The following CXCL16 variants were observed in gnomAD, a reference collection of about 807,000 sequenced individuals.
CXCL16 encodes C-X-C motif chemokine ligand 16.
Under a neutral mutation model 23.8 loss-of-function variants are expected in CXCL16, and 18 were observed. That is an observed-to-expected ratio of 0.76 (90% CI 0.52 to 1.12). The LOEUF is 1.12. CXCL16 is among the 50% of genes most tolerant of loss of function. CXCL16 has a pLI of 0.00. For synonymous variants in CXCL16, 123 were observed against 132.5 expected (o/e 0.93, Z 0.49); for missense variants, 297 against 315.4 (o/e 0.94, Z 0.44).
chr17:4,734,374 G>T lies in CXCL16; in HGVS notation c.*129C>A. On this transcript the variant is annotated 3_prime_UTR_variant, in exon 6 of 6. Transcript: ENST00000293778. ...AGATATTAACAAATACGTGTAGGCT[G>T]GATGTGGTAGGTGACGCCTATAATC... is the stretch of plus-strand genomic sequence containing the variant. 1 of 450,998 alleles carries T rather than the reference G, an allele frequency of 2.2e-6. No individual in the cohort carries two copies. The highest frequency in any genetic ancestry group is 2.2e-5 in the South Asian group (1 of 45,702). 27.9% of individuals were successfully genotyped at this position (450,998 alleles called of 1,614,324 possible). A position where few individuals can be genotyped will look rare whatever the true frequency, so the allele number is the denominator to read the frequency against.
chr17:4,739,457 G>C lies in CXCL16; in HGVS notation c.-118C>G. On this transcript the variant is annotated 5_prime_UTR_variant, in exon 1 of 6. Coordinates refer to ENST00000293778, the MANE Select transcript of CXCL16 (RefSeq NM_001386809.1). The surrounding 1 kb of genome is among the most constrained non-coding windows in gnomAD (Gnocchi z 5.3). ...GCTTTCGCCGGGGACCGGAGGAGACGGCGGCCGGAGAGGAGGCGCGAGCCA... is the reference window on the plus strand; with the variant it reads ...GCTTTCGCCGGGGACCGGAGGAGACCGCGGCCGGAGAGGAGGCGCGAGCCA... 1 of 1,512,008 alleles carries C rather than the reference G, an allele frequency of 6.6e-7. No homozygotes were observed. Among genetic ancestry groups the C allele is most frequent in the Non-Finnish European group, 9.0e-7 (1 of 1,108,910 alleles). The allele number at this position is 1,512,008 out of a possible 1,614,324, so 93.7% of individuals were successfully genotyped here. A position where few individuals can be genotyped will look rare whatever the true frequency, so the allele number is the denominator to read the frequency against.
chr17:4,737,415 TAAA>T (rs1471369902), intron 3 of CXCL16, among the ~76,000 whole-genome samples: 18 of 146,076 alleles, frequency 1.2e-4, no homozygotes, highest in African/African-American at 4.2e-4. Flanking sequence ...CCATCTCTAC[TAAA>T]AAAATACAAA....
In CXCL16 at chr17:4,735,147, G is replaced by A. The variant is rs1916112886; in HGVS notation, c.663C>T (p.Ala221=). ...LLAIIFILTA[A]LSYVLCKRRR... is the part of the protein sequence containing the mutation. ...TCCTCTTGCACAGCACATAGGAAAG[G>A]GCTGCGGTGAGGATGAAGATGATGG... The change falls in exon 4 of 6, where the codon GCC becomes GCT. Residue 221 remains alanine (A), a synonymous_variant. Transcript: ENST00000293778. 1 of 1,613,936 alleles carries A rather than the reference G, an allele frequency of 6.2e-7. No homozygotes were observed. The highest frequency in any genetic ancestry group is 1.3e-5 in the African/African-American group (1 of 74,904).
rs976360547 is a variant in CXCL16, at chr17:4,735,405, G to A, written c.405C>T (p.His135=). The A allele has an allele frequency of 1.9e-6, 3 of 1,546,856 alleles. No individual in the cohort carries two copies. The highest frequency in any genetic ancestry group is 1.8e-6 in the Non-Finnish European group (2 of 1,141,194). ...QASEGASSDI[H]TPAQMLLSTL... Reference sequence around the variant, plus strand: ...TGGACAGGAGCATCTGGGCAGGGGTGTGGATATCTGAAGATGCCCCCTCTG... The same window carrying A: ...TGGACAGGAGCATCTGGGCAGGGGTATGGATATCTGAAGATGCCCCCTCTG... The change falls in exon 4 of 6, where the codon CAC becomes CAT. Residue 135 remains histidine, a synonymous_variant. Transcript: ENST00000293778.
intron 3 of CXCL16, among the ~76,000 whole-genome samples, chr17:4,737,472 C>T (rs1165071631): frequency 6.8e-6 from 1 of 146,992 alleles, no homozygotes; most frequent in Non-Finnish European, 1.5e-5. Context: ...CCCAGCTACT[C>T]GGAAGGCTGT....
chr17:4,735,890 A>G (rs1916144734), intron 3 of CXCL16, among the ~76,000 whole-genome samples: 1 of 152,226 alleles, frequency 6.6e-6, no homozygotes. Flanking sequence ...TCTGACCAAC[A>G]TGGAGAAACC....
Position 4,734,600 on chromosome 17 carries a change from C to A in CXCL16, c.*6G>T. 3 of 1,608,702 alleles carry A rather than the reference C, an allele frequency of 1.9e-6. No individual in the cohort carries two copies. The South Asian group carries it at 3.3e-5, about 18-fold the overall frequency. On this transcript the variant is annotated 3_prime_UTR_variant, in exon 5 of 6. Coordinates refer to ENST00000293778, the MANE Select transcript of CXCL16 (RefSeq NM_001386809.1). ...CAGTTTACCCTCACAAGCTTCCATT[C>A]TTGGCTCAGGTATTAGAGTCAGGTG...
In CXCL16 at chr17:4,739,728, C is replaced by A; in HGVS notation, c.-389G>T. 9.5e-7 allele frequency: 1 copy of A among 1,056,554 alleles called. No individual in the cohort carries two copies. Among genetic ancestry groups the A allele is most frequent in the Non-Finnish European group, 1.2e-6 (1 of 838,904 alleles). 65.4% of individuals were successfully genotyped at this position (1,056,554 alleles called of 1,614,324 possible). A position where few individuals can be genotyped will look rare whatever the true frequency, so the allele number is the denominator to read the frequency against. ...AGCCGATTCGGTTCGGTTCAGGAGG[C>A]CGCCCGCCTGGCCCGTCCGCCGACC... On this transcript the variant is annotated 5_prime_UTR_variant, in exon 1 of 6. Coordinates refer to ENST00000293778, the MANE Select transcript of CXCL16 (RefSeq NM_001386809.1). This position sits in a 1 kb window ranked among gnomAD's most constrained non-coding sequence, Gnocchi z 5.3.
In CXCL16 at chr17:4,734,326, C is replaced by T; in HGVS notation, c.*177G>A. 3.3e-6 allele frequency: 1 copy of T among 307,422 alleles called. No individual in the cohort carries two copies. Among genetic ancestry groups the T allele is most frequent in the Admixed American group, 4.6e-5 (1 of 21,512 alleles). The allele number at this position is 307,422 out of a possible 1,614,324, so 19.0% of individuals were successfully genotyped here. A position where few individuals can be genotyped will look rare whatever the true frequency, so the allele number is the denominator to read the frequency against. ...TTTAAATGAGGGGCCTAAGAGAGGGCAGTGGCTGGTTAGTCCTATGTTAGA... is the reference window on the plus strand; with the variant it reads ...TTTAAATGAGGGGCCTAAGAGAGGGTAGTGGCTGGTTAGTCCTATGTTAGA... On this transcript the variant is annotated 3_prime_UTR_variant, in exon 6 of 6. Coordinates refer to ENST00000293778, the MANE Select transcript of CXCL16 (RefSeq NM_001386809.1).
intron 4 of CXCL16, 64 bp from the exon 5 acceptor site, chr17:4,734,716 A>G: frequency 2.3e-6 from 3 of 1,305,458 alleles, no homozygotes; most frequent in Non-Finnish European, 3.3e-6. Context: ...GGGGGATGAT[A>G]GCTTGAACTA....
intron 3 of CXCL16, among the ~76,000 whole-genome samples, chr17:4,737,440 C>A (rs1916185998): frequency 6.7e-6 from 1 of 150,306 alleles, no homozygotes; most frequent in Non-Finnish European, 1.5e-5. Context: ...ATTAGCTGGG[C>A]ATGGTGGCGG....
At position 4,739,096 on chromosome 17, in the gene CXCL16, C is replaced by T. The variant is rs1916258271; in HGVS notation, c.79+165G>A. ...ACAACATCCATAATCCCGCCCGGAG[C>T]CAGGCGTCCCCGGGCCTCTGTCCCC... is the stretch of plus-strand genomic sequence containing the variant. On this transcript the variant is annotated intron_variant, in intron 1 of 5. Coordinates refer to ENST00000293778, the MANE Select transcript of CXCL16 (RefSeq NM_001386809.1). The surrounding 1 kb of genome is among the most constrained non-coding windows in gnomAD (Gnocchi z 5.3). 1.7e-6 allele frequency: 2 copies of T among 1,184,326 alleles called. No homozygotes were observed. The highest frequency in any genetic ancestry group is 3.1e-5 in the African/African-American group (2 of 64,724). 73.4% of individuals were successfully genotyped at this position (1,184,326 alleles called of 1,614,324 possible). A position where few individuals can be genotyped will look rare whatever the true frequency, so the allele number is the denominator to read the frequency against.
chr17:4,739,028 G>T lies in CXCL16; in HGVS notation c.80-108C>A. The T allele has an allele frequency of 7.2e-7, 1 of 1,393,530 alleles. No individual in the cohort carries two copies. The highest frequency in any genetic ancestry group is 9.7e-7 in the Non-Finnish European group (1 of 1,029,580). 86.3% of individuals were successfully genotyped at this position (1,393,530 alleles called of 1,614,324 possible). A position where few individuals can be genotyped will look rare whatever the true frequency, so the allele number is the denominator to read the frequency against. ...CCATGACAGCCTCTCGGTGGACCCA[G>T]GGTCAGAGCGCCAGGCTCAACCCAC... On this transcript the variant is annotated intron_variant, in intron 1 of 5. Coordinates refer to ENST00000293778, the MANE Select transcript of CXCL16 (RefSeq NM_001386809.1). This position sits in a 1 kb window ranked among gnomAD's most constrained non-coding sequence, Gnocchi z 5.3.
rs543835017 is a variant in CXCL16 at position 4,736,574 on chromosome 17, G to A, written c.302-1066C>T. 1.1e-4 allele frequency among the ~76,000 whole-genome samples: 16 copies of A among 152,188 alleles called. No homozygotes were observed. In the East Asian group the frequency reaches 1.2e-3, roughly 11 times the overall value. ...CTCACCCCTTGTCCCTAACCTCTCC[G>A]GAAGTGATATCTTCCAGCTGTAAAA... On this transcript the variant is annotated intron_variant, in intron 3 of 5. Coordinates refer to ENST00000293778, the MANE Select transcript of CXCL16 (RefSeq NM_001386809.1).
chr17:4,738,713 G>C lies in CXCL16; in HGVS notation c.218+69C>G. The C allele has an allele frequency of 6.6e-7, 1 of 1,513,154 alleles. No individual in the cohort carries two copies. The highest frequency in any genetic ancestry group is 9.1e-7 in the Non-Finnish European group (1 of 1,101,986). 93.7% of individuals were successfully genotyped at this position (1,513,154 alleles called of 1,614,324 possible). On this transcript the variant is annotated intron_variant, in intron 2 of 5. Transcript: ENST00000293778. The surrounding 1 kb of genome is among the most constrained non-coding windows in gnomAD (Gnocchi z 4.0). Reference sequence around the variant, plus strand: ...GGGAAGGAGTTCAGGCTGGACCAGAGAGGGTCCTGGAGGCACCTGCAAGGA... The same window carrying C: ...GGGAAGGAGTTCAGGCTGGACCAGACAGGGTCCTGGAGGCACCTGCAAGGA...
chr17:4,739,183 G>A lies in CXCL16; in HGVS notation c.79+78C>T. 1 of 1,513,550 alleles carries A rather than the reference G, an allele frequency of 6.6e-7. No homozygotes were observed. Among genetic ancestry groups the A allele is most frequent in the East Asian group, 2.5e-5 (1 of 40,700 alleles). 93.8% of individuals were successfully genotyped at this position (1,513,550 alleles called of 1,614,324 possible). A position where few individuals can be genotyped will look rare whatever the true frequency, so the allele number is the denominator to read the frequency against. ...GCTGCCTTCATCCACTCAACTCCGTGGGCCTCGTGTCCCCTCCCCAACTCA... is the reference window on the plus strand; with the variant it reads ...GCTGCCTTCATCCACTCAACTCCGTAGGCCTCGTGTCCCCTCCCCAACTCA... On this transcript the variant is annotated intron_variant, in intron 1 of 5. Transcript: ENST00000293778. This position sits in a 1 kb window ranked among gnomAD's most constrained non-coding sequence, Gnocchi z 5.3.
intron 3 of CXCL16, among the ~76,000 whole-genome samples, chr17:4,737,878 T>C (rs1916201512): frequency 1.3e-5 from 2 of 151,304 alleles, no homozygotes; most frequent in African/African-American, 4.9e-5. Context: ...ACGCCTGTAA[T>C]CCTAGCACTT....
rs1203432704 is a variant in CXCL16 at position 4,739,382 on chromosome 17, C to G, written c.-43G>C. ...TCTGCGGGGATGGAGCCACCTCGCT[C>G]TGACTCCCAGACATGCTCCGGCGCG... On this transcript the variant is annotated 5_prime_UTR_variant, in exon 1 of 6. Coordinates refer to ENST00000293778, the MANE Select transcript of CXCL16 (RefSeq NM_001386809.1). The surrounding 1 kb of genome is among the most constrained non-coding windows in gnomAD (Gnocchi z 5.3). 2 of 1,612,342 alleles carry G rather than the reference C, an allele frequency of 1.2e-6. No individual in the cohort carries two copies. Among genetic ancestry groups the G allele is most frequent in the Non-Finnish European group, 1.7e-6 (2 of 1,179,776 alleles).
In CXCL16 at chr17:4,734,676, A is replaced by G. The variant is rs767139614; in HGVS notation, c.719-24T>C. On this transcript the variant is annotated intron_variant, in intron 4 of 5. Transcript: ENST00000293778. Reference sequence around the variant, plus strand: ...ATCTGGAAAGGATAAAGAAATTGAGAGATGAGCTCTGAGATCAAGGACAGT... The same window carrying G: ...ATCTGGAAAGGATAAAGAAATTGAGGGATGAGCTCTGAGATCAAGGACAGT... 3 of 1,597,402 alleles carry G rather than the reference A, an allele frequency of 1.9e-6. No homozygotes were observed. The South Asian group carries it at 3.3e-5, about 18-fold the overall frequency.
Sources: gnomAD v4.1 joint callset for allele counts (sites outside exome capture counted in the v4.1 genomes callset) on GRCh38, gnomAD v4.1.1 for gene constraint, Gnocchi (gnomAD v3.1) non-coding constraint, MANE v1.5 for transcripts, NCBI Gene and HGNC (gene_info 2026-07-23, HGNC 2026-07-21) for gene names.